Variants in MX2 observed in about 807,000 individuals in gnomAD.
The protein encoded by MX2 is interferon-induced GTP-binding protein Mx2.
A neutral mutation model predicts 74.0 loss-of-function variants in MX2; 51 were observed. The observed-to-expected ratio is 0.69, with a 90% CI of 0.55 to 0.87. The LOEUF is 0.87. MX2 is among the 40% of genes least tolerant of loss of function. MX2 has a pLI of 0.00. For missense variants in MX2, 832 were observed against 908.7 expected, an observed-to-expected ratio of 0.92 and a Z score of 1.09; for synonymous variants, 369 against 339.3, an observed-to-expected ratio of 1.09 and a Z score of -0.96.
In MX2 at chr21:41,399,288, A is replaced by G. The variant is rs1320693264; in HGVS notation, c.1365A>G (p.Arg455=). 1 of 1,613,922 alleles carries G rather than the reference A, an allele frequency of 6.2e-7. No individual in the cohort carries two copies. The highest frequency in any genetic ancestry group is 8.5e-7 in the Non-Finnish European group (1 of 1,179,890). The change falls in exon 10 of 14, where the codon AGA becomes AGG. Residue 455 remains arginine, a synonymous_variant. Transcript: ENST00000330714. The stretch of plus-strand genomic sequence containing the variant: ...AGACCCGTTTATACAACAAAATCAG[A>G]GAGGATTTTAAAAACTGGGTAGGCA... ...ENETRLYNKI[R]EDFKNWVGIL...
chr21:41,395,874 G>T (rs537462079), intron 7 of MX2, 89 bp downstream of exon 7: 235 of 1,319,680 alleles, frequency 1.8e-4, no homozygotes, highest in Non-Finnish European at 2.5e-4. Flanking sequence ...CAAAGTGTAT[G>T]CACAAATTAC....
chr21:41,388,513 G>A lies in MX2; in HGVS notation c.733-2052G>A, dbSNP rs2089612470. Among the ~76,000 whole-genome samples the A allele has an allele frequency of 6.6e-6, 1 of 152,148 alleles. No homozygotes were observed. Among genetic ancestry groups the A allele is most frequent in the Admixed American group, 6.5e-5 (1 of 15,284 alleles). ...CCTGACATACTGTTCCCCGTGCCTG[G>A]CTCTTTCAATTCCACTTGCCCTCCC... On this transcript the variant is annotated intron_variant, in intron 5 of 13. Transcript: ENST00000330714. The surrounding 1 kb of genome is among the most constrained non-coding windows in gnomAD (Gnocchi z 4.0).
At chr21:41,385,999 A>G (rs2089567792) in intron 5 of MX2, among the ~76,000 whole-genome samples, 1 of 152,074 alleles carries the variant, frequency 6.6e-6, no homozygotes, top group African/African-American at 2.4e-5. Context: ...TTTGTTAAAA[A>G]AAATACAAAT....
Position 41,408,156 on chromosome 21 carries a change from A to G in MX2, c.2071A>G (p.Ile691Val), listed in dbSNP as rs1210940552. The G allele has an allele frequency of 9.9e-6, 16 of 1,614,212 alleles. No homozygotes were observed. Among genetic ancestry groups the G allele is most frequent in the Non-Finnish European group, 1.4e-5 (16 of 1,180,030 alleles). Residue 691 changes from isoleucine (I) to valine (V), a missense_variant, in exon 14 of 14, where the codon ATC becomes GTC. Coordinates refer to ENST00000330714, the MANE Select transcript of MX2 (RefSeq NM_002463.2). ...EQSETATKRR[I>V]LKERIYRLTQ... is the part of the protein sequence containing the mutation. ...GAGTGAGACCGCTACCAAGAGAAGA[A>G]TCCTTAAGGAGAGAATTTACCGGCT...
chr21:41,403,452 G>C, intron 12 of MX2, 109 bp downstream of exon 12: 1 of 1,023,270 alleles, frequency 9.8e-7, no homozygotes, highest in Non-Finnish European at 1.5e-6. Flanking sequence ...GGATGTAATG[G>C]CAGGCTGGCG....
Position 41,399,217 on chromosome 21 carries a change from G to T in MX2, c.1294G>T (p.Asp432Tyr), listed in dbSNP as rs1279988736. 14 of 1,613,860 alleles carry T rather than the reference G, an allele frequency of 8.7e-6. No homozygotes were observed. Among genetic ancestry groups the T allele is most frequent in the Non-Finnish European group, 1.1e-5 (13 of 1,179,944 alleles). ...LIEKIKMFNQDIEKLVEGEEV... is the reference protein window; with the variant it reads ...LIEKIKMFNQYIEKLVEGEEV... ...TCAGAAAATCAAGATGTTTAATCAG[G>T]ACATCGAAAAGTTAGTAGAAGGAGA... Residue 432 changes from aspartate (D) to tyrosine (Y), a missense_variant, in exon 10 of 14, where the codon GAC (aspartate) becomes TAC (tyrosine). Transcript: ENST00000330714.
Position 41,369,386 on chromosome 21 carries a change from G to C in MX2, c.-72+7331G>C, listed in dbSNP as rs577071397. ...CGCCCCTCTGAGGCTGCGCGGGGAG[G>C]ATGCAAGACTGGGCAAGAGCTCATT... is the stretch of plus-strand genomic sequence containing the variant. On this transcript the variant is annotated intron_variant, in intron 1 of 13. Coordinates refer to ENST00000330714, the MANE Select transcript of MX2 (RefSeq NM_002463.2). Among the ~76,000 whole-genome samples, 4 of 152,292 alleles carry C rather than the reference G, an allele frequency of 2.6e-5. No individual in the cohort carries two copies. In the East Asian group the frequency reaches 7.7e-4, roughly 30 times the overall value.
intron 2 of MX2, 101 bp downstream of exon 2, chr21:41,377,256 T>A: frequency 6.7e-7 from 1 of 1,503,198 alleles, no homozygotes; most frequent in Admixed American, 1.8e-5. Context: ...GCCAGTCTGC[T>A]CCTCCAGCAC....
chr21:41,390,426 G>T, intron 5 of MX2, 139 bp from the exon 6 acceptor site: 1 of 1,272,608 alleles, frequency 7.9e-7, no homozygotes. Flanking sequence ...TCCCAGGACG[G>T]GGCTCGGCCT....
intron 5 of MX2, among the ~76,000 whole-genome samples, chr21:41,386,071 C>T (rs1003503638): frequency 2.0e-5 from 3 of 151,538 alleles, no homozygotes; most frequent in East Asian, 1.9e-4. Context: ...GAGGCCGAGG[C>T]GGGTAGATCA....
chr21:41,376,283 C>A (rs2089400373), intron 1 of MX2, among the ~76,000 whole-genome samples: 1 of 152,174 alleles, frequency 6.6e-6, no homozygotes, highest in African/African-American at 2.4e-5. Context: ...ACTGTATTCC[C>A]AGCACTTTGG....
chr21:41,377,925 CG>C lies in MX2; in HGVS notation c.389del (p.Gly130AlafsTer21). On this transcript the variant is annotated frameshift_variant, in exon 3 of 14. Coordinates refer to ENST00000330714, the MANE Select transcript of MX2 (RefSeq NM_002463.2). LOFTEE classifies it high-confidence loss of function. The part of the protein sequence containing the change: ...PAIAVIGDQS[S>X]GKSSVLEALS... ...ATCGCCGTCATCGGGGACCAGAGCT[CG>C]GGCAAGAGCTCTGTGCTGGAGGCAC... is the stretch of plus-strand genomic sequence containing the variant. The C allele has an allele frequency of 2.5e-6, 4 of 1,614,184 alleles. No homozygotes were observed. Among genetic ancestry groups the C allele is most frequent in the Non-Finnish European group, 2.5e-6 (3 of 1,180,044 alleles).
chr21:41,372,465 C>T (rs1015679264), intron 1 of MX2, among the ~76,000 whole-genome samples: 3 of 152,158 alleles, frequency 2.0e-5, no homozygotes, highest in Admixed American at 2.0e-4. Context: ...AATTTTCTTT[C>T]TGAAAGTTTG....
In MX2 at chr21:41,380,116, A is replaced by T. The variant is rs1350768167; in HGVS notation, c.542A>T (p.Gln181Leu). 6.2e-7 allele frequency: 1 copy of T among 1,613,832 alleles called. No homozygotes were observed. The highest frequency in any genetic ancestry group is 1.3e-5 in the African/African-American group (1 of 74,912). ...ISYRNTELEL[Q>L]DPGQVEKEIH... ...TACCGGAACACCGAGCTAGAGCTTCAGGACCCTGGCCAGGTGGAGAAAGAG... is the reference window on the plus strand; with the variant it reads ...TACCGGAACACCGAGCTAGAGCTTCTGGACCCTGGCCAGGTGGAGAAAGAG... The change falls in exon 4 of 14, where the codon CAG becomes CTG. Residue 181 changes from glutamine (Q) to leucine (L), a missense_variant. Transcript: ENST00000330714. The surrounding 1 kb of genome is among the most constrained non-coding windows in gnomAD (Gnocchi z 4.3).
At position 41,388,841 on chromosome 21, in the gene MX2, C is replaced by T. The variant is rs2089616869; in HGVS notation, c.733-1724C>T. Among the ~76,000 whole-genome samples the T allele has an allele frequency of 1.3e-5, 2 of 152,192 alleles. No homozygotes were observed. Among genetic ancestry groups the T allele is most frequent in the South Asian group, 4.1e-4 (2 of 4,830 alleles). Reference sequence around the variant, plus strand: ...CCAGGGGACACTGGCAATGTCAGGACATCTTTTTGCTTGTCATAACTCAGG... The same window carrying T: ...CCAGGGGACACTGGCAATGTCAGGATATCTTTTTGCTTGTCATAACTCAGG... On this transcript the variant is annotated intron_variant, in intron 5 of 13. Transcript: ENST00000330714. This position sits in a 1 kb window ranked among gnomAD's most constrained non-coding sequence, Gnocchi z 4.0.
rs73228004 is a variant in MX2 at position 41,362,677 on chromosome 21, G to A, written c.-72+622G>A. ...CACCCTGGATCGCCTGCACTCTGGG[G>A]GCTGAAGTCCATTTTATAATTGATA... On this transcript the variant is annotated intron_variant, in intron 1 of 13. Transcript: ENST00000330714. Among the ~76,000 whole-genome samples the A allele has an allele frequency of 1.6e-3, 245 of 151,994 alleles. 2 individuals are homozygous for A. Among genetic ancestry groups the A allele is most frequent in the Non-Finnish European group, 2.8e-3 (192 of 67,994 alleles).
rs1011137866 is a variant in MX2, at chr21:41,363,976, C to T, written c.-72+1921C>T. On this transcript the variant is annotated intron_variant, in intron 1 of 13. Transcript: ENST00000330714. The surrounding 1 kb of genome is among the most constrained non-coding windows in gnomAD (Gnocchi z 4.2). ...TCCCAGCCCTGGGCTGGGGCCCCCA[C>T]AAGGCCTCCAGCATCTCCCCATGGC... 1.9e-5 allele frequency: 3 copies of T among 154,848 alleles called. No homozygotes were observed. Among genetic ancestry groups the T allele is most frequent in the African/African-American group, 7.2e-5 (3 of 41,550 alleles). The allele number at this position is 154,848 out of a possible 1,614,324, so 9.6% of individuals were successfully genotyped here.
chr21:41,363,175 C>G lies in MX2; in HGVS notation c.-72+1120C>G, dbSNP rs1266703654. On this transcript the variant is annotated intron_variant, in intron 1 of 13. Coordinates refer to ENST00000330714, the MANE Select transcript of MX2 (RefSeq NM_002463.2). The surrounding 1 kb of genome is among the most constrained non-coding windows in gnomAD (Gnocchi z 4.2). ...TTCCTCGCACCCTCTCCTCCGTTTACTCTGCTCTACTTCCCAGCCCCGCGC... is the reference window on the plus strand; with the variant it reads ...TTCCTCGCACCCTCTCCTCCGTTTAGTCTGCTCTACTTCCCAGCCCCGCGC... 1.3e-5 allele frequency: 2 copies of G among 152,280 alleles called. No individual in the cohort carries two copies. Among genetic ancestry groups the G allele is most frequent in the Non-Finnish European group, 2.9e-5 (2 of 68,052 alleles). The allele number at this position is 152,280 out of a possible 1,614,324, so 9.4% of individuals were successfully genotyped here.
chr21:41,385,612 C>T (rs2089561069), intron 5 of MX2, among the ~76,000 whole-genome samples: 1 of 152,108 alleles, frequency 6.6e-6, no homozygotes, highest in Non-Finnish European at 1.5e-5. Flanking sequence ...TCTGGTATGT[C>T]TTTATGAGCA....
Sources: gnomAD v4.1 joint callset for allele counts (sites outside exome capture counted in the v4.1 genomes callset) on GRCh38, gnomAD v4.1.1 for gene constraint, Gnocchi (gnomAD v3.1) non-coding constraint, MANE v1.5 for transcripts, NCBI Gene and HGNC (gene_info 2026-07-23, HGNC 2026-07-21) for gene names.